The following CEP162 variants were observed in gnomAD, a reference collection of about 807,000 sequenced individuals.
CEP162 encodes centrosomal protein 162.
In CEP162, 141 loss-of-function variants were observed where a neutral mutation model predicts 169.2. The ratio of observed to expected loss-of-function variants is 0.83; its 90% confidence interval spans 0.73 to 0.96. The LOEUF (loss-of-function observed/expected upper bound fraction) is 0.96, where lower values mean the gene tolerates loss of function less well. Among genes scored for constraint, CEP162 ranks in the 40% least tolerant of loss-of-function variants. The pLI, the probability that CEP162 is intolerant of heterozygous loss-of-function variation, is 0.00. For missense variants in CEP162, 1,600 were observed against 1,587.2 expected, an observed-to-expected ratio of 1.01 and a Z score of -0.14; for synonymous variants, 540 against 526.4, an observed-to-expected ratio of 1.03 and a Z score of -0.35.
intron 26 of CEP162, among the ~76,000 whole-genome samples, chr6:84,125,949 T>A (rs967146797): frequency 6.6e-6 from 1 of 152,182 alleles, no homozygotes. Flanking sequence ...CATCTGCTAT[T>A]TTTAACTTCT....
intron 18 of CEP162, 142 bp from the exon 19 acceptor site, chr6:84,163,412 C>T (rs1337764190): frequency 1.6e-6 from 1 of 629,066 alleles, no homozygotes; most frequent in Middle Eastern, 4.3e-4. Flanking sequence ...TACCACCTGC[C>T]CCACCCCAGA....
chr6:84,201,242 C>T (rs2099544339), intron 8 of CEP162, among the ~76,000 whole-genome samples: 1 of 152,146 alleles, frequency 6.6e-6, no homozygotes, highest in Non-Finnish European at 1.5e-5. Context: ...TACACCATTG[C>T]ACTCCAGCCT....
At chr6:84,156,773 A>ACACACACACAC (rs57139625) in intron 21 of CEP162, among the ~76,000 whole-genome samples, 1,535 of 137,388 alleles carry the variant, frequency 0.011, 35 homozygotes, top group African/African-American at 0.041. Context: ...CACACACACA[A>ACACACACACAC]ACACACTATT....
chr6:84,177,365 T>C (rs868693418), intron 13 of CEP162, among the ~76,000 whole-genome samples: 1 of 152,124 alleles, frequency 6.6e-6, no homozygotes, highest in African/African-American at 2.4e-5. Flanking sequence ...TTTTCTTTCA[T>C]TTGCATTTCA....
At position 84,195,209 on chromosome 6, in the gene CEP162, T is replaced by C. The variant is rs374279370; in HGVS notation, c.836-134A>G. 3 of 711,524 alleles carry C rather than the reference T, an allele frequency of 4.2e-6. No homozygotes were observed. In the East Asian group the frequency reaches 8.4e-5, roughly 20 times the overall value. 44.1% of individuals were successfully genotyped at this position (711,524 alleles called of 1,614,324 possible). The stretch of plus-strand genomic sequence containing the variant: ...GTACTAACTAGGTAATTTGCAGCTA[T>C]GGCCTACCAGCATGGATTCATAGCA... On this transcript the variant is annotated intron_variant, in intron 9 of 26. Coordinates refer to ENST00000403245, the MANE Select transcript of CEP162 (RefSeq NM_014895.4).
chr6:84,139,101 T>C (rs777352361), intron 25 of CEP162, among the ~76,000 whole-genome samples: 2 of 152,314 alleles, frequency 1.3e-5, no homozygotes, highest in Middle Eastern at 3.4e-3. Context: ...AAATGGATCT[T>C]AGAATCAAAT....
chr6:84,187,251 T>C (rs977421711), intron 11 of CEP162, among the ~76,000 whole-genome samples: 7 of 152,170 alleles, frequency 4.6e-5, no homozygotes, highest in African/African-American at 1.4e-4. Flanking sequence ...CGTAAGGAAA[T>C]GTTTTAAATG....
intron 25 of CEP162, among the ~76,000 whole-genome samples, chr6:84,134,917 T>TACACACAC (rs1340426213): frequency 3.3e-4 from 24 of 73,488 alleles, no homozygotes; most frequent in Admixed American, 1.3e-3. Context: ...AAAGATCATA[T>TACACACAC]ATACACACAC....
At chr6:84,140,900 G>GT (rs2099516310) in intron 25 of CEP162, among the ~76,000 whole-genome samples, 2 of 152,246 alleles carry the variant, frequency 1.3e-5, no homozygotes, top group African/African-American at 4.8e-5. Flanking sequence ...CCAGGGACTG[G>GT]TTTTGTGGAA....
intron 13 of CEP162, among the ~76,000 whole-genome samples, chr6:84,181,588 A>G (rs2099534856): frequency 6.6e-6 from 1 of 152,156 alleles, no homozygotes; most frequent in Non-Finnish European, 1.5e-5. Flanking sequence ...TAAACATGAA[A>G]CACTGCAGTA....
intron 3 of CEP162, among the ~76,000 whole-genome samples, chr6:84,218,150 A>G (rs1207450301): frequency 6.6e-6 from 1 of 152,228 alleles, no homozygotes; most frequent in Non-Finnish European, 1.5e-5. Flanking sequence ...TGAGGAAGTA[A>G]CATTTCTGCT....
At chr6:84,166,102 G>C (rs2099527704) in intron 18 of CEP162, among the ~76,000 whole-genome samples, 2 of 152,182 alleles carry the variant, frequency 1.3e-5, no homozygotes, top group South Asian at 4.1e-4. Context: ...TCCAGGGACA[G>C]AGAATGCCTA....
intron 6 of CEP162, among the ~76,000 whole-genome samples, chr6:84,208,502 A>G (rs1479103587): frequency 6.6e-6 from 1 of 152,226 alleles, no homozygotes; most frequent in East Asian, 1.9e-4. Flanking sequence ...CTCTTTTGTT[A>G]GAATGAAGAC....
At chr6:84,151,405 A>G (rs1215364342) in intron 23 of CEP162, among the ~76,000 whole-genome samples, 1 of 152,078 alleles carries the variant, frequency 6.6e-6, no homozygotes, top group Admixed American at 6.6e-5. Context: ...CTGGGCTGGT[A>G]ATTAAAATAA....
chr6:84,130,491 C>A (rs1365422635), intron 25 of CEP162, among the ~76,000 whole-genome samples: 1 of 152,072 alleles, frequency 6.6e-6, no homozygotes, highest in East Asian at 1.9e-4. Context: ...CAGTCCTGGA[C>A]TTTTTTTGGT....
At chr6:84,165,246 C>T (rs2099527357) in intron 18 of CEP162, among the ~76,000 whole-genome samples, 1 of 151,998 alleles carries the variant, frequency 6.6e-6, no homozygotes, top group South Asian at 2.1e-4. Context: ...CAGCACTCAT[C>T]ACCACCTGAC....
At chr6:84,152,441 T>A in intron 23 of CEP162, 104 bp downstream of exon 23, 1 of 578,688 alleles carries the variant, frequency 1.7e-6, no homozygotes, top group Non-Finnish European at 2.8e-6. Context: ...ACTTATGAAT[T>A]CAGTTCGGGG....
chr6:84,186,458 G>A lies in CEP162; in HGVS notation c.1275C>T (p.Asn425=). 1 of 1,612,896 alleles carries A rather than the reference G, an allele frequency of 6.2e-7. No homozygotes were observed. Among genetic ancestry groups the A allele is most frequent in the South Asian group, 1.1e-5 (1 of 91,032 alleles). Residue 425 remains asparagine (N), a synonymous_variant, in exon 12 of 27, where the codon AAC becomes AAT. Coordinates refer to ENST00000403245, the MANE Select transcript of CEP162 (RefSeq NM_014895.4). ...LQKTTNESME[N]SCPQVTEVTA... is the part of the protein sequence containing the mutation. ...TTACTTCAGTTACTTGTGGACAGCT[G>A]TTTTCCATACTCTCATTTGTGGTCT... is the stretch of plus-strand genomic sequence containing the variant.
chr6:84,172,563 T>C (rs2099530594), intron 16 of CEP162, among the ~76,000 whole-genome samples: 1 of 152,148 alleles, frequency 6.6e-6, no homozygotes, highest in Non-Finnish European at 1.5e-5. Context: ...AAATTTTGTG[T>C]TGTCTCTGTT....
Sources: gnomAD v4.1 joint callset for allele counts (sites outside exome capture counted in the v4.1 genomes callset) on GRCh38, gnomAD v4.1.1 for gene constraint, MANE v1.5 for transcripts, NCBI Gene and HGNC (gene_info 2026-07-23, HGNC 2026-07-21) for gene names.